Variants in STAT5A observed in about 807,000 individuals in gnomAD.
The protein encoded by STAT5A is signal transducer and activator of transcription 5A, also known as epididymis secretory sperm binding protein.
STAT5A carries 26 observed loss-of-function variants against 100.2 expected under a neutral mutation model. The observed-to-expected ratio is 0.26, with a 90% CI of 0.19 to 0.36. The LOEUF (loss-of-function observed/expected upper bound fraction) is 0.36. Ranked by LOEUF, STAT5A falls within the 10% of genes least tolerant of loss-of-function variation. The probability of loss-of-function intolerance (pLI) is 1.00; values close to 1 mark genes in which losing one functional copy is unlikely to be tolerated. For synonymous variants in STAT5A, 330 were observed against 424.3 expected (o/e 0.78, Z 2.73); for missense variants, 634 against 1,027.5 (o/e 0.62, Z 5.24).
rs1433558994 is a variant in STAT5A, at chr17:42,311,549, G to GGGTT, written c.*884_*887dup. ...GTGGACAGGGGCCCCGGGACTTGGA[G>GGGTT]GGTTGGTCCTCTTGCCTCCTGGAAA... is the stretch of plus-strand genomic sequence containing the variant. On this transcript the variant is annotated 3_prime_UTR_variant, in exon 19 of 19. Transcript: ENST00000590949. 4 of 152,736 alleles carry GGGTT rather than the reference G, an allele frequency of 2.6e-5. No homozygotes were observed. The highest frequency in any genetic ancestry group is 6.5e-5 in the Admixed American group (1 of 15,278). 9.5% of individuals were successfully genotyped at this position (152,736 alleles called of 1,614,324 possible).
intron 13 of STAT5A, among the ~76,000 whole-genome samples, chr17:42,307,158 C>A (rs187681328): frequency 5.0e-4 from 76 of 152,292 alleles, no homozygotes; most frequent in African/African-American, 1.7e-3. Context: ...CTAGATTATT[C>A]TTTACACCTC....
Position 42,304,113 on chromosome 17 carries a change from C to T in STAT5A, c.1170-229C>T, listed in dbSNP as rs1377715903. 1 of 544,468 alleles carries T rather than the reference C, an allele frequency of 1.8e-6. No individual in the cohort carries two copies. The allele number at this position is 544,468 out of a possible 1,614,324, so 33.7% of individuals were successfully genotyped here. Reference sequence around the variant, plus strand: ...CATCAATCTTGGTATCGAGGAATTTCTAATGATAGATCCAGACCTCACCAC... The same window carrying T: ...CATCAATCTTGGTATCGAGGAATTTTTAATGATAGATCCAGACCTCACCAC... On this transcript the variant is annotated intron_variant, in intron 9 of 18. Transcript: ENST00000590949. This position sits in a 1 kb window ranked among gnomAD's most constrained non-coding sequence, Gnocchi z 4.8.
chr17:42,301,123 C>G lies in STAT5A; in HGVS notation c.990-152C>G, dbSNP rs73983706. The G allele has an allele frequency of 2.8e-4, 388 of 1,384,408 alleles. 2 individuals carry two copies. The African/African-American group carries it at 5.2e-3, about 19-fold the overall frequency. The allele number at this position is 1,384,408 out of a possible 1,614,324, so 85.8% of individuals were successfully genotyped here. ...CTCCCCTCTCCATCCTCTCCCTGGACTCTCACAGCTTCCCCGGGAACAGAG... is the reference window on the plus strand; with the variant it reads ...CTCCCCTCTCCATCCTCTCCCTGGAGTCTCACAGCTTCCCCGGGAACAGAG... On this transcript the variant is annotated intron_variant, in intron 8 of 18. Transcript: ENST00000590949.
upstream of STAT5A, chr17:42,287,672 C>CG (rs999366559): frequency 2.6e-5 from 4 of 152,304 alleles, no homozygotes; most frequent in African/African-American, 9.7e-5. Context: ...GCTGGGTGAA[C>CG]GGGGGCGCTG....
Position 42,300,779 on chromosome 17 carries a change from T to C in STAT5A, c.898T>C (p.Cys300Arg). The stretch of plus-strand genomic sequence containing the variant: ...GCAGATCCGCAGGGCTGAGCACCTC[T>C]GCCAGCAGCTGCCCATCCCCGGCCC... The part of the protein sequence containing the change: ...RQQIRRAEHL[C>R]QQLPIPGPVE... Residue 300 changes from cysteine (C) to arginine (R), a missense_variant, in exon 8 of 19, where the codon TGC becomes CGC. Cys to Arg is a radical substitution (Grantham distance 180). Around this residue, in one of 5 missense-constraint regions of STAT5A, gnomAD observed 98 missense variants for 149.7 expected, o/e 0.65. Coordinates refer to ENST00000590949, the MANE Select transcript of STAT5A (RefSeq NM_001288718.2). 1 of 1,612,720 alleles carries C rather than the reference T, an allele frequency of 6.2e-7. No individual in the cohort carries two copies. Among genetic ancestry groups the C allele is most frequent in the African/African-American group, 1.3e-5 (1 of 74,934 alleles).
chr17:42,297,803 G>C (rs1212408607), intron 5 of STAT5A, among the ~76,000 whole-genome samples: 1 of 152,062 alleles, frequency 6.6e-6, no homozygotes, highest in Non-Finnish European at 1.5e-5. Flanking sequence ...ATATTTCTGA[G>C]TTCTAGCTCT....
chr17:42,305,954 C>T (rs1316263835), intron 12 of STAT5A, among the ~76,000 whole-genome samples: 1 of 152,174 alleles, frequency 6.6e-6, no homozygotes, highest in Non-Finnish European at 1.5e-5. Context: ...GTCTGGGATC[C>T]TCCTTTGGCA....
At chr17:42,310,339 C>T (rs974165970) in intron 18 of STAT5A, among the ~76,000 whole-genome samples, 168 bp from the exon 19 acceptor site, 6 of 152,208 alleles carry the variant, frequency 3.9e-5, no homozygotes, top group African/African-American at 1.4e-4. Context: ...CTGCAGAAGC[C>T]AGTGGGCTGA....
At position 42,289,510 on chromosome 17, in the gene STAT5A, C is replaced by T. The variant is rs1228048858; in HGVS notation, c.99C>T (p.Tyr33=). The T allele has an allele frequency of 2.5e-6, 4 of 1,613,242 alleles. No individual in the cohort carries two copies. The highest frequency in any genetic ancestry group is 3.4e-6 in the Non-Finnish European group (4 of 1,179,896). The change falls in exon 2 of 19, where the codon TAC becomes TAT. Residue 33 remains tyrosine (Y), a synonymous_variant. Transcript: ENST00000590949. ...ACTTCCCCATCGAGGTCCGGCACTA[C>T]TTGGCCCAGTGGATTGAGAGCCAGC... ...GQHFPIEVRH[Y]LAQWIESQPW... is the part of the protein sequence containing the mutation.
chr17:42,305,255 C>T (rs2081017236), intron 11 of STAT5A, among the ~76,000 whole-genome samples: 1 of 152,054 alleles, frequency 6.6e-6, no homozygotes, highest in African/African-American at 2.4e-5. Flanking sequence ...GTAATCCCAG[C>T]ACTTTGGGAG....
At position 42,306,327 on chromosome 17, in the gene STAT5A, G is replaced by C. The variant is rs1463833189; in HGVS notation, c.1560G>C (p.Gln520His). 6.2e-7 allele frequency: 1 copy of C among 1,613,996 alleles called. No homozygotes were observed. Among genetic ancestry groups the C allele is most frequent in the Non-Finnish European group, 8.5e-7 (1 of 1,179,980 alleles). The stretch of plus-strand genomic sequence containing the variant: ...ACATGAAATTCAAGGCCGAAGTGCA[G>C]AGCAACCGGGGCCTGACCAAGGAGA... ...ALNMKFKAEV[Q>H]SNRGLTKENL... Residue 520 changes from glutamine to histidine, a missense_variant, in exon 13 of 19, where the codon CAG (glutamine) becomes CAC (histidine). Physicochemically the swap from Gln to His is conservative, Grantham distance 24. Around this residue, in one of 5 missense-constraint regions of STAT5A, gnomAD observed 210 missense variants for 428.4 expected, o/e 0.49. Transcript: ENST00000590949.
chr17:42,296,803 G>T (rs1020969613), intron 5 of STAT5A, among the ~76,000 whole-genome samples: 1 of 152,018 alleles, frequency 6.6e-6, no homozygotes, highest in African/African-American at 2.4e-5. Flanking sequence ...ACGCCCAGCT[G>T]ATTTTTTTAG....
intron 9 of STAT5A, 58 bp downstream of exon 9, chr17:42,301,512 CG>C: frequency 6.3e-7 from 1 of 1,597,578 alleles, no homozygotes; most frequent in Non-Finnish European, 8.5e-7. Context: ...CTGCACCCCC[CG>C]CTTTGTCCTT....
At chr17:42,287,806 G>C (rs541284590), upstream of STAT5A, 1 of 152,378 alleles carries the variant, frequency 6.6e-6, no homozygotes, top group African/African-American at 2.4e-5. Context: ...TGTGGAGAGG[G>C]GGAGGGCTGA....
At position 42,308,735 on chromosome 17, in the gene STAT5A, T is replaced by G. The variant is rs1598368020; in HGVS notation, c.2063-312T>G. ...GGCAGCAAAAGGGAGAAGTCTCTCT[T>G]CTTCCAGCTGCCCCAAATCCATTGG... On this transcript the variant is annotated intron_variant, in intron 16 of 18. Coordinates refer to ENST00000590949, the MANE Select transcript of STAT5A (RefSeq NM_001288718.2). The surrounding 1 kb of genome is among the most constrained non-coding windows in gnomAD (Gnocchi z 4.6). The G allele has an allele frequency of 3.9e-6, 2 of 508,986 alleles. No homozygotes were observed. Among genetic ancestry groups the G allele is most frequent in the South Asian group, 4.4e-5 (2 of 44,966 alleles). The allele number at this position is 508,986 out of a possible 1,614,324, so 31.5% of individuals were successfully genotyped here. A position where few individuals can be genotyped will look rare whatever the true frequency, so the allele number is the denominator to read the frequency against.
At chr17:42,307,316 TG>T in intron 13 of STAT5A, 85 bp from the exon 14 acceptor site, 2 of 1,353,256 alleles carry the variant, frequency 1.5e-6, no homozygotes, top group Non-Finnish European at 1.0e-6. Flanking sequence ...GGGAGAAGAC[TG>T]GGTGGGGGCA....
intron 5 of STAT5A, among the ~76,000 whole-genome samples, chr17:42,297,996 G>A (rs2080935313): frequency 6.6e-6 from 1 of 151,386 alleles, no homozygotes; most frequent in Non-Finnish European, 1.5e-5. Flanking sequence ...GAAGGTGATG[G>A]GAAGGGATTA....
intron 15 of STAT5A, 40 bp downstream of exon 15, chr17:42,307,763 G>A (rs761808372): frequency 3.9e-5 from 63 of 1,601,850 alleles, no homozygotes; most frequent in East Asian, 2.7e-4. Context: ...CCCAAGGCCC[G>A]GTCTCTTGTT....
At position 42,300,775 on chromosome 17, in the gene STAT5A, C is replaced by A; in HGVS notation, c.894C>A (p.His298Gln). ...QNRQQIRRAE[H>Q]LCQQLPIPGP... ...GGCAGCAGATCCGCAGGGCTGAGCA[C>A]CTCTGCCAGCAGCTGCCCATCCCCG... The change falls in exon 8 of 19, where the codon CAC (histidine) becomes CAA (glutamine). Residue 298 changes from histidine to glutamine, a missense_variant. This residue lies in a region of STAT5A where 98 missense variants were observed against 149.7 expected (regional missense o/e 0.65). Coordinates refer to ENST00000590949, the MANE Select transcript of STAT5A (RefSeq NM_001288718.2). 6.2e-7 allele frequency: 1 copy of A among 1,612,822 alleles called. No individual in the cohort carries two copies.
Sources: gnomAD v4.1 joint callset for allele counts (sites outside exome capture counted in the v4.1 genomes callset) on GRCh38, gnomAD v4.1.1 for gene constraint, gnomAD v4.1.1 regional missense constraint, Gnocchi (gnomAD v3.1) non-coding constraint, MANE v1.5 for transcripts, NCBI Gene and HGNC (gene_info 2026-07-23, HGNC 2026-07-21) for gene names.